The following SEPTIN2 variants were observed in gnomAD, a reference collection of about 807,000 sequenced individuals.
SEPTIN2 encodes the protein septin-2.
In SEPTIN2, 34 loss-of-function variants were observed where a neutral mutation model predicts 46.5. That is an observed-to-expected ratio of 0.73 (90% CI 0.56 to 0.97). The LOEUF is 0.97. Among genes scored for constraint, SEPTIN2 ranks in the 50% least tolerant of loss-of-function variants. SEPTIN2 has a pLI of 0.00. For synonymous variants in SEPTIN2, 175 were observed against 153.4 expected, an observed-to-expected ratio of 1.14 and a Z score of -1.04; for missense variants, 347 against 448.4, an observed-to-expected ratio of 0.77 and a Z score of 2.04.
At chr2:241,337,899 G>A in intron 7 of SEPTIN2, 109 bp downstream of exon 7, 2 of 655,076 alleles carry the variant, frequency 3.1e-6, no homozygotes, top group East Asian at 5.8e-5. Flanking sequence ...GGGAGGCAGG[G>A]CGGGAGAATT....
At chr2:241,336,401 T>C (rs914165954) in intron 5 of SEPTIN2, 1 of 327,058 alleles carries the variant, frequency 3.1e-6, no homozygotes, top group Admixed American at 4.6e-5. Context: ...ATCCTTTCTA[T>C]GTGGAAGGAA....
At chr2:241,324,306 C>G (rs2077588479) in intron 2 of SEPTIN2, 65 bp downstream of exon 2, 1 of 1,291,752 alleles carries the variant, frequency 7.7e-7, no homozygotes, top group Non-Finnish European at 1.1e-6. Context: ...AGACTGTTGA[C>G]AGTCGGGACT....
At chr2:241,339,750 A>G (rs1057017662) in intron 7 of SEPTIN2, among the ~76,000 whole-genome samples, 2 of 152,054 alleles carry the variant, frequency 1.3e-5, no homozygotes, top group African/African-American at 4.8e-5. Flanking sequence ...CTTCCCTCAG[A>G]TACCTGTGTG....
intron 10 of SEPTIN2, 76 bp from the exon 11 acceptor site, chr2:241,348,058 A>T: frequency 1.7e-6 from 2 of 1,164,954 alleles, no homozygotes; most frequent in Non-Finnish European, 2.5e-6. Context: ...TTTAAATTTT[A>T]AAGTAGAATT....
chr2:241,318,118 TCAGAAAAAAAAAAA>T (rs1240223310), intron 1 of SEPTIN2: 1 of 148,572 alleles, frequency 6.7e-6, no homozygotes, highest in African/African-American at 2.5e-5. Flanking sequence ...AAGTTATGTT[TCAGAAAAAAAAAAA>T]CAGGAAAAAA....
intron 7 of SEPTIN2, among the ~76,000 whole-genome samples, chr2:241,338,829 A>AATACATATTATATTTATATTATTTAT (rs1491150377): frequency 4.1e-5 from 4 of 98,190 alleles, no homozygotes; most frequent in Admixed American, 1.6e-4. Flanking sequence ...ATTTATATAT[A>AATACATATTATATTTATATTATTTAT]ATATATATAA....
intron 3 of SEPTIN2, among the ~76,000 whole-genome samples, chr2:241,334,259 A>G (rs1383038526): frequency 1.3e-5 from 2 of 152,194 alleles, no homozygotes; most frequent in Non-Finnish European, 2.9e-5. Flanking sequence ...CCCAGAGGAC[A>G]GTCCAGCACC....
Position 241,315,930 on chromosome 2 carries a change from T to G in SEPTIN2, c.-70T>G, listed in dbSNP as rs1318843613. The G allele has an allele frequency of 1.3e-5, 2 of 151,696 alleles. No homozygotes were observed. Among genetic ancestry groups the G allele is most frequent in the African/African-American group, 2.4e-5 (1 of 41,234 alleles). 9.4% of individuals were successfully genotyped at this position (151,696 alleles called of 1,614,324 possible). The stretch of plus-strand genomic sequence containing the variant: ...CGGGCTGTGAGCGGACCGCGAGCGC[T>G]GGGCGGGTCCGCGGCGCGGTCGGTC... On this transcript the variant is annotated 5_prime_UTR_variant, in exon 1 of 13. Coordinates refer to ENST00000391971, the MANE Select transcript of SEPTIN2 (RefSeq NM_004404.5).
In SEPTIN2 at chr2:241,348,124, C is replaced by A; in HGVS notation, c.927-10C>A. On this transcript the variant is annotated splice_polypyrimidine_tract_variant and intron_variant, in intron 10 of 12. Coordinates refer to ENST00000391971, the MANE Select transcript of SEPTIN2 (RefSeq NM_004404.5). ...GCAGTGTTATGATTCTGATTTCTTT[C>A]GATTCTTAGGAAAGTGGAGAATGAG... is the stretch of plus-strand genomic sequence containing the variant. The A allele has an allele frequency of 6.2e-7, 1 of 1,607,780 alleles. No individual in the cohort carries two copies. The highest frequency in any genetic ancestry group is 8.5e-7 in the Non-Finnish European group (1 of 1,176,352).
intron 3 of SEPTIN2, among the ~76,000 whole-genome samples, chr2:241,330,060 C>A (rs117590694): frequency 6.6e-6 from 1 of 152,092 alleles, no homozygotes; most frequent in African/African-American, 2.4e-5. Flanking sequence ...CCTAATTAGA[C>A]GGGGAGTAAA....
intron 7 of SEPTIN2, among the ~76,000 whole-genome samples, chr2:241,339,008 T>C (rs1327772505): frequency 1.7e-5 from 2 of 117,546 alleles, no homozygotes; most frequent in African/African-American, 6.5e-5. Flanking sequence ...ATATAAATAT[T>C]ATATTTATAC....
Position 241,343,767 on chromosome 2 carries a change from T to G in SEPTIN2, c.712T>G (p.Ser238Ala). The G allele has an allele frequency of 6.2e-7, 1 of 1,614,182 alleles. No individual in the cohort carries two copies. The highest frequency in any genetic ancestry group is 8.5e-7 in the Non-Finnish European group (1 of 1,180,032). The change falls in exon 9 of 13, where the codon TCT becomes GCT. Residue 238 changes from serine (S) to alanine (A), a missense_variant. Ser to Ala is a moderately conservative substitution (Grantham distance 99, BLOSUM62 1). Transcript: ENST00000391971. ...TRLLKASIPF[S>A]VVGSNQLIEA... Reference sequence around the variant, plus strand: ...CTCTTTCTAGGCTAGCATCCCATTCTCTGTGGTTGGATCCAATCAGTTGAT... The same window carrying G: ...CTCTTTCTAGGCTAGCATCCCATTCGCTGTGGTTGGATCCAATCAGTTGAT...
intron 7 of SEPTIN2, among the ~76,000 whole-genome samples, chr2:241,338,890 A>C (rs1157898403): frequency 2.4e-5 from 2 of 82,972 alleles, no homozygotes; most frequent in East Asian, 2.5e-4. Flanking sequence ...TCTATAATAT[A>C]TATTATATAT....
At chr2:241,333,067 CTG>C (rs2150011693) in intron 3 of SEPTIN2, among the ~76,000 whole-genome samples, 1 of 152,300 alleles carries the variant, frequency 6.6e-6, no homozygotes, top group African/African-American at 2.4e-5. Flanking sequence ...TTTGTCAAAA[CTG>C]TACAGTTTAA....
At position 241,335,363 on chromosome 2, in the gene SEPTIN2, G is replaced by T. The variant is rs757841795; in HGVS notation, c.217+151G>T. The T allele has an allele frequency of 3.2e-6, 5 of 1,552,246 alleles. No homozygotes were observed. In the African/African-American group the frequency reaches 6.8e-5, roughly 21 times the overall value. ...AACACTTTTATGGGGTAGGTGTGCT[G>T]CACCGAGGTCCTTGGATTTGGGTTG... On this transcript the variant is annotated intron_variant, in intron 4 of 12. Coordinates refer to ENST00000391971, the MANE Select transcript of SEPTIN2 (RefSeq NM_004404.5).
At chr2:241,322,211 A>C (rs545735472) in intron 1 of SEPTIN2, among the ~76,000 whole-genome samples, 2 of 152,226 alleles carry the variant, frequency 1.3e-5, no homozygotes, top group Non-Finnish European at 2.9e-5. Flanking sequence ...GAGGGAACCA[A>C]ATTTGACAGC....
chr2:241,332,739 G>A (rs1466124451), intron 3 of SEPTIN2, among the ~76,000 whole-genome samples: 1 of 152,102 alleles, frequency 6.6e-6, no homozygotes, highest in Admixed American at 6.5e-5. Context: ...TCTAGAGAGT[G>A]GATTAACAAA....
At chr2:241,330,211 TA>T (rs1248562626) in intron 3 of SEPTIN2, among the ~76,000 whole-genome samples, 2 of 152,112 alleles carry the variant, frequency 1.3e-5, no homozygotes, top group Non-Finnish European at 2.9e-5. Flanking sequence ...CGTGTGTTTC[TA>T]AAAAAATCAC....
intron 8 of SEPTIN2, 134 bp downstream of exon 8, chr2:241,343,227 A>T (rs778319549): frequency 1.3e-5 from 8 of 619,276 alleles, no homozygotes; most frequent in Non-Finnish European, 2.0e-5. Flanking sequence ...GACCTCATGC[A>T]GTGGCTCATG....
Sources: allele counts gnomAD v4.1 joint callset (sites outside exome capture counted in the v4.1 genomes callset), GRCh38; gene constraint gnomAD v4.1.1; transcripts MANE v1.5; gene names NCBI Gene and HGNC (gene_info 2026-07-23, HGNC 2026-07-21).